The following EIF4G3 variants were observed in gnomAD, a reference collection of about 807,000 sequenced individuals.
EIF4G3 encodes the protein eIF-4-gamma 3.
Under a neutral mutation model 186.4 loss-of-function variants are expected in EIF4G3, and 34 were observed. The ratio of observed to expected loss-of-function variants is 0.18; its 90% confidence interval spans 0.14 to 0.24. The LOEUF (loss-of-function observed/expected upper bound fraction) is 0.24, where lower values mean the gene tolerates loss of function less well. Among genes scored for constraint, EIF4G3 ranks in the 10% least tolerant of loss-of-function variants. EIF4G3 has a pLI of 1.00. For missense variants in EIF4G3, 1,536 were observed against 1,948.5 expected, an observed-to-expected ratio of 0.79 and a Z score of 3.99; for synonymous variants, 673 against 679.5, an observed-to-expected ratio of 0.99 and a Z score of 0.15.
At chr1:20,847,261 C>T (rs191979647) in intron 29 of EIF4G3, among the ~76,000 whole-genome samples, 15 of 152,196 alleles carry the variant, frequency 9.9e-5, no homozygotes, top group Non-Finnish European at 1.8e-4. Flanking sequence ...CAGCACCCAA[C>T]GCAGAGTAAG....
chr1:20,841,462 A>G (rs1330553214), intron 29 of EIF4G3, among the ~76,000 whole-genome samples: 1 of 152,212 alleles, frequency 6.6e-6, no homozygotes, highest in Non-Finnish European at 1.5e-5. Context: ...TGAAAATGGT[A>G]TATTATGAAA....
intron 33 of EIF4G3, among the ~76,000 whole-genome samples, chr1:20,822,286 T>C (rs1198336959): frequency 6.6e-6 from 1 of 151,970 alleles, no homozygotes; most frequent in Non-Finnish European, 1.5e-5. Context: ...ATATGTACCT[T>C]CTTTTCAAAC....
intron 34 of EIF4G3, among the ~76,000 whole-genome samples, chr1:20,816,503 GC>G (rs1156328699): frequency 1.2e-5 from 1 of 82,844 alleles, no homozygotes; most frequent in African/African-American, 4.7e-5. Flanking sequence ...GGGGGGGTCA[GC>G]CCCCCGCCCG....
chr1:21,077,877 G>A (rs1394961198), intron 3 of EIF4G3, among the ~76,000 whole-genome samples: 11 of 139,760 alleles, frequency 7.9e-5, no homozygotes, highest in African/African-American at 1.9e-4. Flanking sequence ...CAAAAACTCC[G>A]TCTCAAAAAA....
chr1:21,168,533 C>T (rs1317696589), intron 2 of EIF4G3, among the ~76,000 whole-genome samples: 5 of 151,974 alleles, frequency 3.3e-5, no homozygotes, highest in South Asian at 2.1e-4. Flanking sequence ...AGCAATCCTC[C>T]GGCCTCAGCC....
chr1:21,101,617 CAAAG>C (rs1293751740), intron 2 of EIF4G3, among the ~76,000 whole-genome samples: 4 of 17,684 alleles, frequency 2.3e-4, no homozygotes, highest in African/African-American at 8.7e-4. Context: ...AAGGAAGGAA[CAAAG>C]AAAGAAAGGA....
intron 15 of EIF4G3, among the ~76,000 whole-genome samples, chr1:20,902,860 C>T (rs1048132602): frequency 6.0e-4 from 92 of 152,256 alleles, no homozygotes; most frequent in South Asian, 1.7e-3. Flanking sequence ...AGGCTGGTCT[C>T]GAAATCCTGG....
rs1481439006 is a variant in EIF4G3, at chr1:20,942,014, G to A, written c.1140C>T (p.Asp380=). Residue 380 remains aspartate, a synonymous_variant, in exon 14 of 37, where the codon GAC becomes GAT. Transcript: ENST00000602326. Reference sequence around the variant, plus strand: ...CATCATTTTCATTTGTTGGTAAAGGGTCTGATGTTTCTGTGCAAGATGTGA... The same window carrying A: ...CATCATTTTCATTTGTTGGTAAAGGATCTGATGTTTCTGTGCAAGATGTGA... The part of the protein sequence containing the change: ...PSLTSCTETS[D]PLPTNENDDD... The A allele has an allele frequency of 6.2e-7, 1 of 1,614,040 alleles. No individual in the cohort carries two copies. Among genetic ancestry groups the A allele is most frequent in the Non-Finnish European group, 8.5e-7 (1 of 1,180,040 alleles).
At chr1:21,035,521 C>A (rs1397031659) in intron 4 of EIF4G3, among the ~76,000 whole-genome samples, 2 of 152,230 alleles carry the variant, frequency 1.3e-5, no homozygotes, top group African/African-American at 4.8e-5. Flanking sequence ...CTCTGGTCTC[C>A]AATTGGGGTT....
rs188887950 is a variant in EIF4G3 at position 20,827,213 on chromosome 1, T to C, written c.4269+404A>G. Among the ~76,000 whole-genome samples, 887 of 152,306 alleles carry C rather than the reference T, an allele frequency of 5.8e-3. 9 individuals carry two copies. The highest frequency in any genetic ancestry group is 0.029 in the South Asian group (142 of 4,830). On this transcript the variant is annotated intron_variant, in intron 32 of 36. Transcript: ENST00000602326. ...TAGACTTCTAACAAAGCACTTTCAC[T>C]CTTTTGAAATTATTGGTTTAGATTT... is the stretch of plus-strand genomic sequence containing the variant.
At chr1:21,168,534 G>A (rs778751922) in intron 2 of EIF4G3, among the ~76,000 whole-genome samples, 28 of 151,698 alleles carry the variant, frequency 1.8e-4, no homozygotes, top group Admixed American at 2.6e-4. Flanking sequence ...GCAATCCTCC[G>A]GCCTCAGCCT....
At chr1:20,965,233 A>C (rs540214165) in intron 12 of EIF4G3, among the ~76,000 whole-genome samples, 48 of 152,262 alleles carry the variant, frequency 3.2e-4, no homozygotes, top group Non-Finnish European at 5.9e-4. Flanking sequence ...TGGCTTGACC[A>C]CCTGCCAAAA....
chr1:21,058,719 C>CTTTTTTTT (rs66576703), intron 3 of EIF4G3, among the ~76,000 whole-genome samples: 10 of 82,030 alleles, frequency 1.2e-4, no homozygotes, highest in Non-Finnish European at 1.7e-4. Context: ...CTCTCTCTCT[C>CTTTTTTTT]TTTTTTTTTT....
Position 20,865,390 on chromosome 1 carries a change from A to G in EIF4G3, c.2623-128T>C, listed in dbSNP as rs2077330463. 4.3e-6 allele frequency: 4 copies of G among 940,098 alleles called. No homozygotes were observed. The Admixed American group carries it at 8.7e-5, about 21-fold the overall frequency. 58.2% of individuals were successfully genotyped at this position (940,098 alleles called of 1,614,324 possible). ...GTAAGCATTCTATAAGAGGCAAACA[A>G]TATAGCTTCAGGCATTTCATGATTC... On this transcript the variant is annotated intron_variant, in intron 20 of 36. Coordinates refer to ENST00000602326, the MANE Select transcript of EIF4G3 (RefSeq NM_001391906.1).
intron 4 of EIF4G3, among the ~76,000 whole-genome samples, chr1:21,006,803 T>A (rs969169535): frequency 6.6e-6 from 1 of 152,230 alleles, no homozygotes; most frequent in African/African-American, 2.4e-5. Flanking sequence ...CCAGATGTGA[T>A]GGTTTTCAAA....
chr1:21,069,202 C>G (rs1044371210), intron 3 of EIF4G3, among the ~76,000 whole-genome samples: 3 of 152,172 alleles, frequency 2.0e-5, no homozygotes, highest in African/African-American at 7.2e-5. Context: ...AAACTTGCTG[C>G]CCACCTACAT....
chr1:21,105,034 T>G (rs1055287093), intron 2 of EIF4G3, among the ~76,000 whole-genome samples: 1 of 152,168 alleles, frequency 6.6e-6, no homozygotes, highest in Non-Finnish European at 1.5e-5. Flanking sequence ...AAGGGAACAA[T>G]AGACAGCAAG....
chr1:21,090,211 GA>G (rs1234692864), intron 2 of EIF4G3, among the ~76,000 whole-genome samples: 5 of 152,152 alleles, frequency 3.3e-5, no homozygotes, highest in Non-Finnish European at 7.4e-5. Context: ...ACTCTAAGTA[GA>G]AATATAAATG....
At chr1:20,991,569 T>TAAAA (rs11393266) in intron 7 of EIF4G3, among the ~76,000 whole-genome samples, 1 of 142,534 alleles carries the variant, frequency 7.0e-6, no homozygotes, top group Admixed American at 7.0e-5. Context: ...CTCTGTCTCA[T>TAAAA]AAAAAAAAAA....
Sources: gnomAD v4.1 joint callset for allele counts (sites outside exome capture counted in the v4.1 genomes callset) on GRCh38, gnomAD v4.1.1 for gene constraint, MANE v1.5 for transcripts, NCBI Gene and HGNC (gene_info 2026-07-23, HGNC 2026-07-21) for gene names.